CD46: variants seen among roughly 807,000 people sequenced by gnomAD.
CD46 encodes membrane cofactor protein.
A neutral mutation model predicts 53.3 loss-of-function variants in CD46; 30 were observed. The ratio of observed to expected loss-of-function variants is 0.56; its 90% CI spans 0.42 to 0.76. The LOEUF (loss-of-function observed/expected upper bound fraction) is 0.76, where lower values mean the gene tolerates loss of function less well. Among genes scored for constraint, CD46 ranks in the 30% least tolerant of loss-of-function variants. The pLI, the probability that CD46 is intolerant of heterozygous loss-of-function variation, is 0.00. For missense variants in CD46, 409 were observed against 463.0 expected (o/e 0.88, Z 1.07); for synonymous variants, 142 against 152.0 (o/e 0.93, Z 0.48).
chr1:207,775,920 T>G (rs938285018), intron 8 of CD46, among the ~76,000 whole-genome samples: 1 of 152,212 alleles, frequency 6.6e-6, no homozygotes, highest in Non-Finnish European at 1.5e-5. Flanking sequence ...ACAGGGACGT[T>G]TAAGTCTGCA....
chr1:207,762,290 G>T (rs145802577), intron 5 of CD46, among the ~76,000 whole-genome samples: 1 of 152,118 alleles, frequency 6.6e-6, no homozygotes. Context: ...GGAATGTATA[G>T]CATAATATAC....
At chr1:207,791,418 G>A (rs908697573) in intron 12 of CD46, among the ~76,000 whole-genome samples, 5 of 152,116 alleles carry the variant, frequency 3.3e-5, no homozygotes, top group Admixed American at 2.0e-4. Flanking sequence ...TAAAATAAGG[G>A]TTACCTAACC....
intron 1 of CD46, among the ~76,000 whole-genome samples, chr1:207,756,214 G>A (rs1264121008): frequency 6.6e-6 from 1 of 152,166 alleles, no homozygotes; most frequent in Non-Finnish European, 1.5e-5. Context: ...GACACTACTG[G>A]ACTGCCAAGC....
In CD46 at chr1:207,790,488, A is replaced by AACATAATGTG. The variant is rs1659697729; in HGVS notation, c.*41+143_*41+144insACATAATGTG. On this transcript the variant is annotated intron_variant, in intron 12 of 12. Transcript: ENST00000367042. ...TTTACATTCCTGTTCCCTTTGCTAAATTATTGATGTGTTCTTATACCATTC... is the reference window on the plus strand; with the variant it reads ...TTTACATTCCTGTTCCCTTTGCTAAAACATAATGTGTTATTGATGTGTTCTTATACCATTC... 5.0e-6 allele frequency: 3 copies of AACATAATGTG among 604,268 alleles called. No homozygotes were observed. The African/African-American group carries it at 5.6e-5, about 11-fold the overall frequency. The allele number at this position is 604,268 out of a possible 1,614,324, so 37.4% of individuals were successfully genotyped here.
At chr1:207,791,491 C>T (rs1659795643) in intron 12 of CD46, among the ~76,000 whole-genome samples, 1 of 152,184 alleles carries the variant, frequency 6.6e-6, no homozygotes, top group South Asian at 2.1e-4. Flanking sequence ...GTAACAGGCA[C>T]ATAGTGTCCA....
chr1:207,770,543 T>G (rs1228300461), intron 8 of CD46, among the ~76,000 whole-genome samples, 181 bp downstream of exon 8: 1 of 152,154 alleles, frequency 6.6e-6, no homozygotes, highest in Non-Finnish European at 1.5e-5. Flanking sequence ...CCTAATGCTA[T>G]CCCTCCCCCA....
chr1:207,767,882 T>A, intron 7 of CD46, 59 bp downstream of exon 7: 1 of 1,329,580 alleles, frequency 7.5e-7, no homozygotes, highest in East Asian at 2.3e-5. Flanking sequence ...GGTGATTTTT[T>A]ATAAAATCCT....
At chr1:207,770,034 G>C (rs1358559102) in intron 7 of CD46, 1 of 373,808 alleles carries the variant, frequency 2.7e-6, no homozygotes, top group African/African-American at 2.1e-5. Flanking sequence ...CCACAGTGCT[G>C]GGATTACAGG....
At chr1:207,761,642 T>A (rs1158844298) in intron 5 of CD46, among the ~76,000 whole-genome samples, 196 bp downstream of exon 5, 1 of 152,108 alleles carries the variant, frequency 6.6e-6, no homozygotes, top group Non-Finnish European at 1.5e-5. Context: ...CACCCCTACA[T>A]GTTCTTGGCA....
Position 207,793,780 on chromosome 1 carries a change from C to T in CD46, c.*303C>T. 1.5e-6 allele frequency: 1 copy of T among 651,286 alleles called. No individual in the cohort carries two copies. Among genetic ancestry groups the T allele is most frequent in the South Asian group, 1.7e-5 (1 of 58,698 alleles). 40.3% of individuals were successfully genotyped at this position (651,286 alleles called of 1,614,324 possible). On this transcript the variant is annotated 3_prime_UTR_variant, in exon 13 of 13. Coordinates refer to ENST00000367042, the MANE Select transcript of CD46 (RefSeq NM_172351.3). Reference sequence around the variant, plus strand: ...TATGAATTTGGGTATGAACAGATTGCCTGCTTTCCCTTAAATAACACTTAG... The same window carrying T: ...TATGAATTTGGGTATGAACAGATTGTCTGCTTTCCCTTAAATAACACTTAG...
intron 8 of CD46, among the ~76,000 whole-genome samples, chr1:207,780,615 T>C (rs1284907778): frequency 2.0e-5 from 3 of 152,146 alleles, no homozygotes; most frequent in Admixed American, 6.5e-5. Context: ...TTTAATATTT[T>C]GAGGAACTGG....
At chr1:207,756,678 T>G (rs41317049) in intron 1 of CD46, among the ~76,000 whole-genome samples, 18,299 of 152,222 alleles carry the variant, frequency 0.12, 1,244 homozygotes, top group East Asian at 0.26. Flanking sequence ...GAAGACTTCT[T>G]AGAGGAGAAG....
chr1:207,752,265 G>T lies in CD46; in HGVS notation c.53G>T (p.Gly18Val), dbSNP rs1654998263. Residue 18 changes from glycine to valine, a missense_variant, in exon 1 of 13, where the codon GGG becomes GTG. By Grantham distance (109) the Gly-to-Val change is moderately radical (BLOSUM62 -3). Coordinates refer to ENST00000367042, the MANE Select transcript of CD46 (RefSeq NM_172351.3). The surrounding 1 kb of genome is among the most constrained non-coding windows in gnomAD (Gnocchi z 4.1). ...CCCTTTCCTTCCTGGCGCTTTCCTG[G>T]GTTGCTTCTGGCGGCCATGGTGTTG... ...ECPFPSWRFPGLLLAAMVLLL... is the reference protein window; with the variant it reads ...ECPFPSWRFPVLLLAAMVLLL... 1 of 1,614,140 alleles carries T rather than the reference G, an allele frequency of 6.2e-7. No individual in the cohort carries two copies. Among genetic ancestry groups the T allele is most frequent in the East Asian group, 2.2e-5 (1 of 44,880 alleles).
chr1:207,782,484 AC>A (rs1300829214), intron 8 of CD46, among the ~76,000 whole-genome samples: 2 of 152,028 alleles, frequency 1.3e-5, no homozygotes, highest in African/African-American at 4.8e-5. Context: ...AAACATGGAC[AC>A]CCTGTCTTGT....
chr1:207,758,008 T>G (rs1316225637), intron 3 of CD46, among the ~76,000 whole-genome samples: 1 of 152,188 alleles, frequency 6.6e-6, no homozygotes, highest in Non-Finnish European at 1.5e-5. Flanking sequence ...AAAGATACAC[T>G]TGTATCCAGA....
At chr1:207,759,440 A>G (rs1655933868) in intron 3 of CD46, among the ~76,000 whole-genome samples, 199 bp from the exon 4 acceptor site, 1 of 152,264 alleles carries the variant, frequency 6.6e-6, no homozygotes, top group African/African-American at 2.4e-5. Context: ...CTCTTGGCCA[A>G]TATATATTCA....
intron 7 of CD46, 195 bp from the exon 8 acceptor site, chr1:207,770,126 G>C: frequency 1.7e-6 from 1 of 576,896 alleles, no homozygotes; most frequent in South Asian, 2.2e-5. Context: ...AGAGTGTGGT[G>C]AGCATTCTTG....
chr1:207,794,326 A>AT lies in CD46; in HGVS notation c.*850dup, dbSNP rs1447818966. On this transcript the variant is annotated 3_prime_UTR_variant, in exon 13 of 13. Transcript: ENST00000367042. Reference sequence around the variant, plus strand: ...AAGAAGTGAGAGGACTCTGACAGCCATAACAGGAGTGCCACTTCATGGTGC... The same window carrying AT: ...AAGAAGTGAGAGGACTCTGACAGCCATTAACAGGAGTGCCACTTCATGGTGC... 16 of 152,464 alleles carry AT rather than the reference A, an allele frequency of 1.0e-4. No individual in the cohort carries two copies. The highest frequency in any genetic ancestry group is 3.9e-4 in the Admixed American group (6 of 15,312). 9.4% of individuals were successfully genotyped at this position (152,464 alleles called of 1,614,324 possible).
At position 207,761,268 on chromosome 1, in the gene CD46, T is replaced by G; in HGVS notation, c.495T>G (p.Pro165=). ...PICEKVLCTP[P]PKIKNGKHTF... ...TTTAAGAGGTTTTGTGTACACCACC[T>G]CCAAAAATAAAAAATGGAAAACACA... Residue 165 remains proline (P), a synonymous_variant, in exon 5 of 13, where the codon CCT becomes CCG. Transcript: ENST00000367042. 1 of 1,610,242 alleles carries G rather than the reference T, an allele frequency of 6.2e-7. No homozygotes were observed. Among genetic ancestry groups the G allele is most frequent in the South Asian group, 1.1e-5 (1 of 90,924 alleles).
Sources: allele counts gnomAD v4.1 joint callset (sites outside exome capture counted in the v4.1 genomes callset), GRCh38; gene constraint gnomAD v4.1.1; non-coding constraint Gnocchi (gnomAD v3.1); transcripts MANE v1.5; gene names NCBI Gene and HGNC (gene_info 2026-07-23, HGNC 2026-07-21).